The following PATJ variants were observed in gnomAD, a reference collection of about 807,000 sequenced individuals.
PATJ encodes inaD-like protein.
PATJ carries 190 observed loss-of-function variants against 224.9 expected under a neutral mutation model. The observed-to-expected ratio is 0.84, with a 90% confidence interval of 0.75 to 0.95. PATJ has a LOEUF of 0.95. Ranked by LOEUF, PATJ falls within the 40% of genes least tolerant of loss-of-function variation. The pLI, the probability that PATJ is intolerant of heterozygous loss-of-function variation, is 0.00. For missense variants in PATJ, 2,121 were observed against 2,270.3 expected, an observed-to-expected ratio of 0.93 and a Z score of 1.34; for synonymous variants, 769 against 820.3, an observed-to-expected ratio of 0.94 and a Z score of 1.07.
At chr1:61,860,273 C>T (rs1664337644) in intron 18 of PATJ, among the ~76,000 whole-genome samples, 1 of 151,492 alleles carries the variant, frequency 6.6e-6, no homozygotes, top group South Asian at 2.1e-4. Context: ...GTTGCCCAGG[C>T]TGGTCTTGAA....
At chr1:62,148,185 A>C in intron 41 of PATJ, 99 bp from the exon 42 acceptor site, 1 of 713,510 alleles carries the variant, frequency 1.4e-6, no homozygotes, top group Admixed American at 2.3e-5. Context: ...AGATAAATTG[A>C]ATAAGATTAG....
chr1:62,059,216 G>T (rs1288616614), intron 31 of PATJ, among the ~76,000 whole-genome samples: 1 of 152,036 alleles, frequency 6.6e-6, no homozygotes, highest in African/African-American at 2.4e-5. Context: ...AGAGGGCCTT[G>T]TGGACCAGGA....
At chr1:62,156,074 A>AAG (rs1441347262) in intron 43 of PATJ, among the ~76,000 whole-genome samples, 1 of 149,648 alleles carries the variant, frequency 6.7e-6, no homozygotes, top group East Asian at 2.0e-4. Context: ...AAAAAAAAAA[A>AAG]AAAAAAGAAT....
intron 11 of PATJ, among the ~76,000 whole-genome samples, chr1:61,798,615 T>C (rs1008288388): frequency 5.3e-5 from 8 of 152,164 alleles, no homozygotes; most frequent in African/African-American, 1.7e-4. Context: ...ATTCTAGCCA[T>C]GCTTGGTGGC....
chr1:61,935,857 T>A (rs1676784329), intron 27 of PATJ, among the ~76,000 whole-genome samples: 1 of 152,148 alleles, frequency 6.6e-6, no homozygotes, highest in African/African-American at 2.4e-5. Context: ...ATTCCTTGCA[T>A]CTTCATGTTT....
At chr1:61,951,190 A>G (rs1012779261) in intron 27 of PATJ, among the ~76,000 whole-genome samples, 51 of 151,656 alleles carry the variant, frequency 3.4e-4, no homozygotes, top group African/African-American at 1.2e-3. Context: ...AAAAAAAAAA[A>G]GGAAAAAAAA....
chr1:62,091,050 AG>A (rs1315325368), intron 33 of PATJ, among the ~76,000 whole-genome samples: 2 of 152,244 alleles, frequency 1.3e-5, no homozygotes, highest in Non-Finnish European at 2.9e-5. Context: ...AAGTGGAGAA[AG>A]AATGAGAATG....
At chr1:61,854,897 G>A (rs754635775) in intron 17 of PATJ, among the ~76,000 whole-genome samples, 2 of 152,168 alleles carry the variant, frequency 1.3e-5, no homozygotes, top group Non-Finnish European at 2.9e-5. Flanking sequence ...CTCTCCCAAC[G>A]GGTGAAAGAT....
intron 16 of PATJ, among the ~76,000 whole-genome samples, chr1:61,831,568 C>T (rs1659326774): frequency 6.6e-6 from 1 of 152,152 alleles, no homozygotes; most frequent in African/African-American, 2.4e-5. Context: ...GGCCAACCAC[C>T]ATATGAAAAA....
chr1:62,149,703 C>G (rs1668430925), intron 42 of PATJ, among the ~76,000 whole-genome samples: 1 of 151,728 alleles, frequency 6.6e-6, no homozygotes, highest in Non-Finnish European at 1.5e-5. Context: ...CCCTTGTAAT[C>G]TTAATTCCTT....
intron 25 of PATJ, among the ~76,000 whole-genome samples, chr1:61,913,880 A>G (rs1673046146): frequency 1.3e-5 from 2 of 152,206 alleles, no homozygotes; most frequent in African/African-American, 4.8e-5. Flanking sequence ...AATTAATTAG[A>G]TCACCCCTAA....
At position 61,884,412 on chromosome 1, in the gene PATJ, T is replaced by C; in HGVS notation, c.3131+4T>C. ...CTAGATATGCCACTGATACATGGTA[T>C]GATATCATTTCTCTTTGTTTTCACA... On this transcript the variant is annotated splice_donor_region_variant and intron_variant, in intron 22 of 43. Coordinates refer to ENST00000642238, the MANE Select transcript of PATJ (RefSeq NM_001350145.3). The C allele has an allele frequency of 5.3e-6, 8 of 1,504,432 alleles. No homozygotes were observed. The highest frequency in any genetic ancestry group is 7.1e-6 in the Non-Finnish European group (8 of 1,120,502). 93.2% of individuals were successfully genotyped at this position (1,504,432 alleles called of 1,614,324 possible).
chr1:61,777,703 CTTTTTTT>C (rs66470863), intron 7 of PATJ, among the ~76,000 whole-genome samples: 27 of 48,744 alleles, frequency 5.5e-4, no homozygotes, highest in East Asian at 6.7e-4. Context: ...TTCTTTCTTT[CTTTTTTT>C]TTTTTTTTTT....
intron 29 of PATJ, among the ~76,000 whole-genome samples, chr1:62,032,990 A>G (rs1649618763): frequency 6.6e-6 from 1 of 152,158 alleles, no homozygotes; most frequent in South Asian, 2.1e-4. Flanking sequence ...CAAGAACAGC[A>G]TGGGGGAAAC....
intron 27 of PATJ, among the ~76,000 whole-genome samples, chr1:61,957,737 C>T (rs1386025635): frequency 6.6e-6 from 1 of 152,126 alleles, no homozygotes; most frequent in Non-Finnish European, 1.5e-5. Context: ...ATAATTGCAG[C>T]AGAGACCATG....
intron 21 of PATJ, among the ~76,000 whole-genome samples, chr1:61,876,643 A>G (rs6696823): frequency 0.78 from 119,124 of 151,982 alleles, 46,825 homozygotes; most frequent in East Asian, 0.88. Context: ...AATGATGAAA[A>G]TCAAAATGTC....
chr1:62,128,990 G>T (rs755259453), intron 41 of PATJ, 45 bp downstream of exon 41: 1 of 1,333,564 alleles, frequency 7.5e-7, no homozygotes, highest in South Asian at 1.3e-5. Context: ...GCAGATAAGT[G>T]GCATGCAAAA....
intron 23 of PATJ, 126 bp from the exon 24 acceptor site, chr1:61,901,156 T>C: frequency 2.2e-6 from 1 of 464,260 alleles, no homozygotes. Flanking sequence ...TGTATAACAT[T>C]TGTAAAAATA....
At chr1:62,148,450 TC>T in intron 42 of PATJ, 60 bp downstream of exon 42, 1 of 1,230,260 alleles carries the variant, frequency 8.1e-7, no homozygotes, top group Non-Finnish European at 1.2e-6. Flanking sequence ...GAAGAACTTT[TC>T]CAGACACTCA....
Sources: allele counts gnomAD v4.1 joint callset (sites outside exome capture counted in the v4.1 genomes callset), GRCh38; gene constraint gnomAD v4.1.1; transcripts MANE v1.5; gene names NCBI Gene and HGNC (gene_info 2026-07-23, HGNC 2026-07-21).